Variants in TENM2 observed in about 807,000 individuals in gnomAD.
The protein encoded by TENM2 is teneurin-2.
TENM2 carries 52 observed loss-of-function variants against 245.2 expected under a neutral mutation model. The ratio of observed to expected loss-of-function variants is 0.21; its 90% CI spans 0.17 to 0.27. TENM2 has a LOEUF of 0.27. TENM2 is among the 10% of genes least tolerant of loss of function. The pLI is 1.00. For missense variants in TENM2, 3,046 were observed against 3,666.8 expected, an observed-to-expected ratio of 0.83 and a Z score of 4.37; for synonymous variants, 1,363 against 1,438.9, an observed-to-expected ratio of 0.95 and a Z score of 1.19.
chr5:168,064,378 C>G (rs566914715), intron 7 of TENM2, among the ~76,000 whole-genome samples: 4 of 152,166 alleles, frequency 2.6e-5, no homozygotes, highest in Non-Finnish European at 5.9e-5. Flanking sequence ...GCTAAGAAAA[C>G]TACTTCTTCC....
At chr5:167,470,913 T>C (rs1382889242) in intron 2 of TENM2, among the ~76,000 whole-genome samples, 1 of 152,154 alleles carries the variant, frequency 6.6e-6, no homozygotes, top group Non-Finnish European at 1.5e-5. Context: ...GTATGGAAAT[T>C]TGATGAAAGA....
At chr5:167,216,575 C>A in the TENM2 span, among the ~76,000 whole-genome samples, 1 of 152,126 alleles carries the variant, frequency 6.6e-6, no homozygotes, top group African/African-American at 2.4e-5. Context: ...GAATTATTCC[C>A]GGAATGGCTA....
intron 2 of TENM2, among the ~76,000 whole-genome samples, chr5:167,759,276 A>T (rs1432999710): frequency 6.6e-6 from 1 of 151,874 alleles, no homozygotes; most frequent in African/African-American, 2.4e-5. Flanking sequence ...AGATTAAATC[A>T]TATCAGTTCC....
chr5:168,243,970 C>T (rs1331550126), intron 25 of TENM2, among the ~76,000 whole-genome samples: 2 of 140,166 alleles, frequency 1.4e-5, no homozygotes, highest in Admixed American at 7.3e-5. Flanking sequence ...GATAGAGTCT[C>T]ACTCTGTCAC....
rs571837379 is a variant in TENM2 at position 167,348,102 on chromosome 5, A to G, written c.227-27096A>G. The stretch of plus-strand genomic sequence containing the variant: ...CGTGTTGTTCGGGAACATCTCTATT[A>G]TAGTAGTCCTGCTCGGAGTTTGGGA... On this transcript the variant is annotated intron_variant, in intron 1 of 28. Coordinates refer to ENST00000518659, the Ensembl canonical transcript of TENM2. Among the ~76,000 whole-genome samples the G allele has an allele frequency of 8.5e-5, 13 of 152,328 alleles. No homozygotes were observed. In the South Asian group the frequency reaches 2.5e-3, roughly 29 times the overall value.
intron 2 of TENM2, among the ~76,000 whole-genome samples, chr5:167,393,264 A>G (rs1383435369): frequency 7.2e-5 from 11 of 152,120 alleles, no homozygotes; most frequent in Non-Finnish European, 1.5e-4. Flanking sequence ...AAACTATGCT[A>G]TGTAGTGATA....
intron 2 of TENM2, among the ~76,000 whole-genome samples, chr5:167,633,884 A>G (rs557119163): frequency 6.6e-6 from 1 of 152,306 alleles, no homozygotes; most frequent in East Asian, 1.9e-4. Context: ...TTTATTACCA[A>G]CAGCCATTTT....
chr5:168,198,626 A>G (rs181900185), intron 15 of TENM2, among the ~76,000 whole-genome samples: 23 of 152,218 alleles, frequency 1.5e-4, no homozygotes, highest in Admixed American at 1.1e-3. Flanking sequence ...AATTATTCCC[A>G]TTTTACAGAT....
the TENM2 span, among the ~76,000 whole-genome samples, chr5:167,172,605 T>C: frequency 6.6e-6 from 1 of 151,128 alleles, no homozygotes; most frequent in Admixed American, 6.6e-5. Flanking sequence ...TTTTTTTTCT[T>C]TTTCTTTCTC....
chr5:167,169,386 C>T, the TENM2 span, among the ~76,000 whole-genome samples: 304 of 152,286 alleles, frequency 2.0e-3, 2 homozygotes, highest in African/African-American at 6.9e-3. Context: ...TAAATATGAG[C>T]TACTATTTTA....
chr5:167,144,394 G>A, the TENM2 span, among the ~76,000 whole-genome samples: 1 of 152,192 alleles, frequency 6.6e-6, no homozygotes, highest in African/African-American at 2.4e-5. Flanking sequence ...GTCTCAGAAG[G>A]AAGCCCCGGT....
At chr5:167,089,889 G>A in the TENM2 span, among the ~76,000 whole-genome samples, 1 of 152,114 alleles carries the variant, frequency 6.6e-6, no homozygotes, top group Non-Finnish European at 1.5e-5. Flanking sequence ...AGCGAGGAAG[G>A]GGGTATCAGT....
At chr5:167,980,181 G>A (rs1782729298) in intron 4 of TENM2, among the ~76,000 whole-genome samples, 1 of 152,210 alleles carries the variant, frequency 6.6e-6, no homozygotes, top group South Asian at 2.1e-4. Flanking sequence ...AACAAGGAAT[G>A]AAGGAGATAG....
At chr5:167,193,169 G>A in the TENM2 span, among the ~76,000 whole-genome samples, 1 of 152,034 alleles carries the variant, frequency 6.6e-6, no homozygotes, top group Non-Finnish European at 1.5e-5. Flanking sequence ...TGTCATTTTA[G>A]TGTCAGTTCC....
At chr5:167,250,381 TA>T in the TENM2 span, among the ~76,000 whole-genome samples, 1 of 152,118 alleles carries the variant, frequency 6.6e-6, no homozygotes, top group Non-Finnish European at 1.5e-5. Context: ...AATAGCTCAT[TA>T]AAAAATATAA....
At chr5:167,471,639 C>T (rs1026331439) in intron 2 of TENM2, among the ~76,000 whole-genome samples, 1 of 152,056 alleles carries the variant, frequency 6.6e-6, no homozygotes, top group African/African-American at 2.4e-5. Flanking sequence ...AAATAATTAC[C>T]ATACACATTC....
chr5:167,321,800 T>TTTTTTTGTG lies in TENM2; in HGVS notation c.226+36738_226+36739insTTTTTGTGT, dbSNP rs1467480814. On this transcript the variant is annotated intron_variant, in intron 1 of 28. Coordinates refer to ENST00000518659, the Ensembl canonical transcript of TENM2. ...GCCTTGGCTTATTTTTTTTTTTTTT[T>TTTTTTTGTG]TGGGGGGGGGGGCGGGGGGGGGGGT... Among the ~76,000 whole-genome samples, 7 of 12,144 alleles carry TTTTTTTGTG rather than the reference T, an allele frequency of 5.8e-4. 3 individuals are homozygous for TTTTTTTGTG. Among genetic ancestry groups the TTTTTTTGTG allele is most frequent in the Non-Finnish European group, 1.0e-3 (6 of 5,816 alleles). The allele number at this position is 12,144 out of a possible 152,430, so 8.0% of individuals were successfully genotyped here.
chr5:168,005,570 A>T (rs983980581), intron 5 of TENM2, among the ~76,000 whole-genome samples: 2 of 152,214 alleles, frequency 1.3e-5, no homozygotes, highest in Admixed American at 1.3e-4. Context: ...GATTGGACTA[A>T]AGTGGCTCTT....
At chr5:167,775,553 CT>C (rs1352291010) in intron 2 of TENM2, among the ~76,000 whole-genome samples, 4 of 152,140 alleles carry the variant, frequency 2.6e-5, no homozygotes, top group Non-Finnish European at 5.9e-5. Context: ...ATTGACTTTA[CT>C]AGAAGTGTTT....
Sources: gnomAD v4.1 joint callset for allele counts (sites outside exome capture counted in the v4.1 genomes callset) on GRCh38, gnomAD v4.1.1 for gene constraint, MANE v1.5 for transcripts, NCBI Gene and HGNC (gene_info 2026-07-23, HGNC 2026-07-21) for gene names.